The following PTPRD variants were observed in gnomAD, a reference collection of about 807,000 sequenced individuals.
PTPRD encodes receptor-type tyrosine-protein phosphatase delta.
Under a neutral mutation model 214.5 loss-of-function variants are expected in PTPRD, and 34 were observed. That is an observed-to-expected ratio of 0.16 (90% CI 0.12 to 0.21). The LOEUF is 0.21. Among genes scored for constraint, PTPRD ranks in the 10% least tolerant of loss-of-function variants. PTPRD has a pLI of 1.00. For missense variants in PTPRD, 2,545 were observed against 2,398.7 expected (o/e 1.06, Z -1.27); for synonymous variants, 1,128 against 845.7 (o/e 1.33, Z -5.79).
At chr9:9,259,178 T>A (rs578067973) in intron 9 of PTPRD, among the ~76,000 whole-genome samples, 2 of 151,972 alleles carry the variant, frequency 1.3e-5, no homozygotes, top group Admixed American at 6.6e-5. Context: ...TGGCAAAACT[T>A]CTTCAACCAG....
intron 9 of PTPRD, among the ~76,000 whole-genome samples, chr9:9,193,937 T>C (rs940832484): frequency 3.3e-5 from 5 of 152,164 alleles, no homozygotes; most frequent in East Asian, 1.9e-4. Context: ...TTTTTAAAAA[T>C]TTTTTGGCTC....
intron 14 of PTPRD, among the ~76,000 whole-genome samples, chr9:8,620,610 C>T (rs1007367088): frequency 1.3e-5 from 2 of 151,698 alleles, no homozygotes; most frequent in African/African-American, 4.8e-5. Flanking sequence ...CAGTTAATGG[C>T]GGGGGGCAGG....
intron 8 of PTPRD, chr9:9,442,143 C>CTGTA (rs568247349): frequency 2.0e-5 from 3 of 152,216 alleles, no homozygotes; most frequent in Non-Finnish European, 2.9e-5. Flanking sequence ...GAGTTCTGGG[C>CTGTA]TGTAGTGCGC....
At chr9:8,822,716 G>C (rs10815962) in intron 11 of PTPRD, among the ~76,000 whole-genome samples, 19,846 of 152,086 alleles carry the variant, frequency 0.13, 1,595 homozygotes, top group East Asian at 0.25. Context: ...ATTAGACATA[G>C]GAAACCAAAG....
chr9:8,933,989 G>T (rs542360813), intron 11 of PTPRD, among the ~76,000 whole-genome samples: 5 of 151,986 alleles, frequency 3.3e-5, no homozygotes, highest in Non-Finnish European at 1.5e-5. Context: ...GCTGGGAAAG[G>T]AAATGAAAGA....
chr9:9,837,453 C>T (rs1181730802), intron 5 of PTPRD, among the ~76,000 whole-genome samples: 1 of 152,026 alleles, frequency 6.6e-6, no homozygotes, highest in Non-Finnish European at 1.5e-5. Context: ...GAAGCCTTCC[C>T]CATTGTATTA....
chr9:8,802,816 C>T (rs1452964876), intron 11 of PTPRD, among the ~76,000 whole-genome samples: 1 of 152,064 alleles, frequency 6.6e-6, no homozygotes, highest in African/African-American at 2.4e-5. Flanking sequence ...CTTTGGGAGG[C>T]CAAGGTGGGA....
At chr9:10,225,430 A>G (rs1423318061) in intron 3 of PTPRD, among the ~76,000 whole-genome samples, 1 of 152,074 alleles carries the variant, frequency 6.6e-6, no homozygotes, top group African/African-American at 2.4e-5. Context: ...TTTCAGAGAC[A>G]TTAAACTAAT....
chr9:9,334,348 G>C (rs1595938546), intron 9 of PTPRD, among the ~76,000 whole-genome samples: 1 of 152,038 alleles, frequency 6.6e-6, no homozygotes, highest in Admixed American at 6.6e-5. Flanking sequence ...TCTTCCAAGG[G>C]TATGTGTACA....
chr9:9,225,400 C>T (rs893149583), intron 9 of PTPRD, among the ~76,000 whole-genome samples: 17 of 151,932 alleles, frequency 1.1e-4, no homozygotes, highest in African/African-American at 3.6e-4. Flanking sequence ...AAATATAGAG[C>T]ACCTCTTACA....
chr9:10,246,053 T>A (rs1296914441), intron 3 of PTPRD, among the ~76,000 whole-genome samples: 4 of 152,154 alleles, frequency 2.6e-5, no homozygotes, highest in African/African-American at 7.2e-5. Context: ...AAGAATGTTT[T>A]TTTCTTCTCC....
intron 9 of PTPRD, among the ~76,000 whole-genome samples, chr9:9,265,899 A>C (rs893744992): frequency 4.6e-5 from 7 of 151,598 alleles, no homozygotes; most frequent in African/African-American, 1.7e-4. Flanking sequence ...AATGACTTTA[A>C]ATGTAAATAA....
chr9:8,917,135 C>CA (rs2098792080), intron 11 of PTPRD, among the ~76,000 whole-genome samples: 1 of 114,320 alleles, frequency 8.7e-6, no homozygotes, highest in Admixed American at 9.2e-5. Flanking sequence ...TCTTCTTCTT[C>CA]TTTTTTTTTT....
chr9:8,515,832 C>A (rs1386237037), intron 21 of PTPRD, among the ~76,000 whole-genome samples: 2 of 152,128 alleles, frequency 1.3e-5, no homozygotes, highest in Admixed American at 6.6e-5. Context: ...GTTGTTTAAG[C>A]CACCTAGTAT....
At chr9:9,542,461 G>A (rs761895812) in intron 8 of PTPRD, among the ~76,000 whole-genome samples, 1 of 151,396 alleles carries the variant, frequency 6.6e-6, no homozygotes, top group Non-Finnish European at 1.5e-5. Context: ...AAGTTATATT[G>A]AATTTCATCA....
rs192160256 is a variant in PTPRD, at chr9:10,290,607, C to A, written c.-545+50356G>T. On this transcript the variant is annotated intron_variant, in intron 3 of 45. Transcript: ENST00000381196. ...AATTAAGGAATTATATTATTGACTC[C>A]TGCAATAGGTTAATTTTCCTTACAT... Among the ~76,000 whole-genome samples, 10 of 152,066 alleles carry A rather than the reference C, an allele frequency of 6.6e-5. No individual in the cohort carries two copies. In the East Asian group the frequency reaches 1.9e-3, roughly 29 times the overall value.
intron 7 of PTPRD, among the ~76,000 whole-genome samples, chr9:9,666,248 T>A (rs1173541709): frequency 2.0e-5 from 3 of 152,002 alleles, no homozygotes; most frequent in Non-Finnish European, 2.9e-5. Context: ...TAAACATTTA[T>A]ACACTGGTAT....
intron 7 of PTPRD, among the ~76,000 whole-genome samples, chr9:9,669,910 A>C (rs75981064): frequency 0.15 from 23,531 of 152,164 alleles, 2,596 homozygotes; most frequent in African/African-American, 0.31. Context: ...AATGACATCA[A>C]CGACTGTAAA....
chr9:9,681,932 A>T (rs1295031049), intron 7 of PTPRD, among the ~76,000 whole-genome samples: 4 of 151,842 alleles, frequency 2.6e-5, no homozygotes, highest in Middle Eastern at 3.2e-3. Flanking sequence ...AAGATGTTAT[A>T]TTTATGTCTA....
Sources: allele counts gnomAD v4.1 joint callset (sites outside exome capture counted in the v4.1 genomes callset), GRCh38; gene constraint gnomAD v4.1.1; transcripts MANE v1.5; gene names NCBI Gene and HGNC (gene_info 2026-07-23, HGNC 2026-07-21).